The following ERC1 variants were observed in gnomAD, a reference collection of about 807,000 sequenced individuals.
ERC1 encodes ELKS/RAB6-interacting/CAST family member 1.
In ERC1, 56 loss-of-function variants were observed where a neutral mutation model predicts 132.0. That is an observed-to-expected ratio of 0.42 (90% CI 0.34 to 0.53). The LOEUF (loss-of-function observed/expected upper bound fraction) is 0.53. ERC1 is among the 20% of genes least tolerant of loss of function. The pLI is 0.03. For missense variants in ERC1, 1,202 were observed against 1,349.9 expected, an observed-to-expected ratio of 0.89 and a Z score of 1.72; for synonymous variants, 478 against 476.1, an observed-to-expected ratio of 1.00 and a Z score of -0.05.
At chr12:1,296,234 G>A (rs1449178887) in intron 15 of ERC1, among the ~76,000 whole-genome samples, 1 of 151,952 alleles carries the variant, frequency 6.6e-6, no homozygotes, top group East Asian at 1.9e-4. Flanking sequence ...AGGGTGAGGT[G>A]AGAGGATTGC....
chr12:1,379,489 C>T (rs1371537212), intron 16 of ERC1, among the ~76,000 whole-genome samples: 1 of 152,182 alleles, frequency 6.6e-6, no homozygotes, highest in Non-Finnish European at 1.5e-5. Context: ...CCGCCCACTA[C>T]CCAGCTCCAA....
rs1168234297 is a variant in ERC1 at position 1,205,060 on chromosome 12, G to A, written c.2351+15008G>A. On this transcript the variant is annotated intron_variant, in intron 12 of 18. Transcript: ENST00000360905. ...TTACTGCTATTTATATGTGCCAGAG[G>A]CACTGTAGCGGAACATATTTTGTTT... Among the ~76,000 whole-genome samples, 20 of 152,262 alleles carry A rather than the reference G, an allele frequency of 1.3e-4. No homozygotes were observed. The South Asian group carries it at 1.9e-3, about 14-fold the overall frequency.
chr12:1,320,452 C>T lies in ERC1; in HGVS notation c.2780+30440C>T, dbSNP rs545459466. Among the ~76,000 whole-genome samples the T allele has an allele frequency of 3.9e-5, 6 of 152,278 alleles. No homozygotes were observed. In the East Asian group the frequency reaches 1.2e-3, roughly 29 times the overall value. On this transcript the variant is annotated intron_variant, in intron 15 of 18. Transcript: ENST00000360905. ...CCATTACTCACCCTTTTCTTTCCAG[C>T]AGAGTAGTATTCCATAGTATTATAT...
At chr12:1,438,441 A>G (rs2093005245) in intron 17 of ERC1, among the ~76,000 whole-genome samples, 3 of 152,228 alleles carry the variant, frequency 2.0e-5, no homozygotes, top group Non-Finnish European at 4.4e-5. Context: ...ATGACAGTCC[A>G]ATAAGAAATC....
intron 12 of ERC1, among the ~76,000 whole-genome samples, chr12:1,233,516 A>G (rs1022834664): frequency 2.0e-5 from 3 of 150,874 alleles, no homozygotes; most frequent in African/African-American, 7.3e-5. Flanking sequence ...CAGACATTAT[A>G]TTATATGCTG....
At chr12:1,478,809 A>C (rs1350274028) in intron 18 of ERC1, among the ~76,000 whole-genome samples, 3 of 145,122 alleles carry the variant, frequency 2.1e-5, no homozygotes, top group Non-Finnish European at 4.5e-5. Context: ...AGAGAGAGAG[A>C]GAGAGAGACA....
chr12:1,290,690 C>T (rs1315489113), intron 15 of ERC1, among the ~76,000 whole-genome samples: 2 of 152,144 alleles, frequency 1.3e-5, no homozygotes, highest in Non-Finnish European at 1.5e-5. Flanking sequence ...TTTACCATTC[C>T]TAATCCTTCC....
At chr12:1,383,506 C>T (rs1227004172) in intron 16 of ERC1, among the ~76,000 whole-genome samples, 5 of 152,108 alleles carry the variant, frequency 3.3e-5, no homozygotes, top group Non-Finnish European at 5.9e-5. Flanking sequence ...TGGTGGCATG[C>T]GCCTGTAATC....
intron 15 of ERC1, among the ~76,000 whole-genome samples, chr12:1,332,774 T>C (rs567541870): frequency 6.6e-6 from 1 of 152,338 alleles, no homozygotes; most frequent in African/African-American, 2.4e-5. Flanking sequence ...ATTTCAGGTT[T>C]CTCTGCTTAC....
Sources: gnomAD v4.1 joint callset for allele counts (sites outside exome capture counted in the v4.1 genomes callset) on GRCh38, gnomAD v4.1.1 for gene constraint, MANE v1.5 for transcripts, NCBI Gene and HGNC (gene_info 2026-07-23, HGNC 2026-07-21) for gene names.